Variants in KHDRBS2 observed in about 807,000 individuals in gnomAD.
The protein encoded by KHDRBS2 is KH RNA binding domain containing, signal transduction associated 2, also known as KH domain-containing, RNA-binding, signal transduction-associated protein 2.
Under a neutral mutation model 44.3 loss-of-function variants are expected in KHDRBS2, and 26 were observed. The observed-to-expected ratio is 0.59, with a 90% CI of 0.43 to 0.81. The LOEUF (loss-of-function observed/expected upper bound fraction) is 0.81. Among genes scored for constraint, KHDRBS2 ranks in the 40% least tolerant of loss-of-function variants. The probability of loss-of-function intolerance (pLI) is 0.00; values close to 1 mark genes in which losing one functional copy is unlikely to be tolerated. For missense variants in KHDRBS2, 476 were observed against 433.1 expected (o/e 1.10, Z -0.88); for synonymous variants, 194 against 151.1 (o/e 1.28, Z -2.08).
intron 2 of KHDRBS2, among the ~76,000 whole-genome samples, chr6:62,064,347 A>C (rs1792941496): frequency 6.7e-6 from 1 of 148,682 alleles, no homozygotes; most frequent in African/African-American, 2.5e-5. Flanking sequence ...AAAAGAACAA[A>C]GCTGGAGGCA....
At chr6:62,221,034 A>T (rs1830809508) in intron 1 of KHDRBS2, among the ~76,000 whole-genome samples, 1 of 151,912 alleles carries the variant, frequency 6.6e-6, no homozygotes, top group African/African-American at 2.4e-5. Flanking sequence ...ATTGCACATT[A>T]TTCACAATTC....
At chr6:61,740,656 T>G (rs1049152765) in intron 6 of KHDRBS2, among the ~76,000 whole-genome samples, 4 of 151,926 alleles carry the variant, frequency 2.6e-5, no homozygotes, top group African/African-American at 9.7e-5. Context: ...CCTCTTAGTT[T>G]TTATTGTTAT....
intron 3 of KHDRBS2, among the ~76,000 whole-genome samples, chr6:61,996,612 C>T (rs920231073): frequency 6.6e-6 from 1 of 152,136 alleles, no homozygotes; most frequent in Non-Finnish European, 1.5e-5. Context: ...AGGCAACTTT[C>T]TCCAGTTCAG....
At chr6:61,791,872 G>T (rs1784688815) in intron 6 of KHDRBS2, among the ~76,000 whole-genome samples, 1 of 150,964 alleles carries the variant, frequency 6.6e-6, no homozygotes, top group East Asian at 1.9e-4. Context: ...TATAATATTT[G>T]CCTTTTAATT....
chr6:61,543,337 G>A, the KHDRBS2 span, among the ~76,000 whole-genome samples: 3 of 151,908 alleles, frequency 2.0e-5, no homozygotes, highest in Non-Finnish European at 2.9e-5. Context: ...AGGCATACAA[G>A]TGGAAAATAG....
the KHDRBS2 span, among the ~76,000 whole-genome samples, chr6:61,652,829 A>G: frequency 1.3e-5 from 2 of 152,068 alleles, no homozygotes; most frequent in African/African-American, 4.8e-5. Flanking sequence ...AAGGAACTAA[A>G]CATACCAGCA....
At chr6:61,707,393 C>T (rs1321759458) in intron 7 of KHDRBS2, among the ~76,000 whole-genome samples, 2 of 151,726 alleles carry the variant, frequency 1.3e-5, no homozygotes, top group Non-Finnish European at 2.9e-5. Flanking sequence ...TGACCACAAA[C>T]TCTGTAAGTT....
rs181424552 is a variant in KHDRBS2, at chr6:61,885,240, A to T, written c.810+9395T>A. Among the ~76,000 whole-genome samples, 19 of 151,892 alleles carry T rather than the reference A, an allele frequency of 1.3e-4. No individual in the cohort carries two copies. In the East Asian group the frequency reaches 3.7e-3, roughly 29 times the overall value. On this transcript the variant is annotated intron_variant, in intron 6 of 8. Coordinates refer to ENST00000281156, the MANE Select transcript of KHDRBS2 (RefSeq NM_152688.4). ...TTAAGGATTTTTCTGTAGCTGGTTG[A>T]TAGAAAAAAAAAAGAGTTGTTATGG...
chr6:61,839,232 T>C (rs1793202385), intron 6 of KHDRBS2, among the ~76,000 whole-genome samples: 1 of 152,130 alleles, frequency 6.6e-6, no homozygotes, highest in African/African-American at 2.4e-5. Flanking sequence ...TTTTCTTACA[T>C]AGAAAGTTGA....
At chr6:61,972,449 C>A (rs1036290280) in intron 4 of KHDRBS2, among the ~76,000 whole-genome samples, 1 of 152,168 alleles carries the variant, frequency 6.6e-6, no homozygotes, top group African/African-American at 2.4e-5. Flanking sequence ...TATTTCTGAG[C>A]AACTAATAAT....
intron 4 of KHDRBS2, among the ~76,000 whole-genome samples, chr6:61,934,956 C>A (rs1244881412): frequency 6.6e-6 from 1 of 152,176 alleles, no homozygotes; most frequent in Non-Finnish European, 1.5e-5. Flanking sequence ...CTTCTAACAA[C>A]TTTGTCTGTC....
intron 2 of KHDRBS2, among the ~76,000 whole-genome samples, chr6:62,086,760 T>C (rs901198111): frequency 5.3e-5 from 8 of 152,158 alleles, no homozygotes; most frequent in Admixed American, 4.6e-4. Flanking sequence ...AGATCAGCAG[T>C]TGAACATGAG....
chr6:61,942,404 A>G (rs956424195), intron 4 of KHDRBS2, among the ~76,000 whole-genome samples: 1 of 152,154 alleles, frequency 6.6e-6, no homozygotes, highest in Non-Finnish European at 1.5e-5. Flanking sequence ...ACAAAACAAA[A>G]ATTCTGCAAC....
chr6:61,833,771 T>C (rs1792210732), intron 6 of KHDRBS2, among the ~76,000 whole-genome samples: 2 of 152,152 alleles, frequency 1.3e-5, no homozygotes, highest in South Asian at 4.1e-4. Flanking sequence ...GTAAAATATA[T>C]TTCTGGAATT....
chr6:61,709,298 T>C (rs1770101242), intron 7 of KHDRBS2, among the ~76,000 whole-genome samples: 1 of 151,588 alleles, frequency 6.6e-6, no homozygotes. Flanking sequence ...GGATGAAATA[T>C]AGGCGGATTA....
chr6:62,255,754 T>C lies in KHDRBS2; in HGVS notation c.91+30104A>G, dbSNP rs149798149. On this transcript the variant is annotated intron_variant, in intron 1 of 8. Coordinates refer to ENST00000281156, the MANE Select transcript of KHDRBS2 (RefSeq NM_152688.4). Reference sequence around the variant, plus strand: ...CTCCATCTCAGAATACTAGGTATACTACTAGAGTACCCCAGGTAAAACCAT... The same window carrying C: ...CTCCATCTCAGAATACTAGGTATACCACTAGAGTACCCCAGGTAAAACCAT... 2.5e-3 allele frequency among the ~76,000 whole-genome samples: 384 copies of C among 152,026 alleles called. 3 individuals carry two copies. The highest frequency in any genetic ancestry group is 8.5e-3 in the African/African-American group (352 of 41,492).
At position 62,130,686 on chromosome 6, in the gene KHDRBS2, T is replaced by A. The variant is rs150667115; in HGVS notation, c.219+46499A>T. ...CCCATTGTAAGTTGAAAATATTAAG[T>A]AGAAAGTGTTTAAAACACCTAACAT... On this transcript the variant is annotated intron_variant, in intron 2 of 8. Coordinates refer to ENST00000281156, the MANE Select transcript of KHDRBS2 (RefSeq NM_152688.4). Among the ~76,000 whole-genome samples, 15 of 152,150 alleles carry A rather than the reference T, an allele frequency of 9.9e-5. No individual in the cohort carries two copies. The East Asian group carries it at 2.7e-3, about 27-fold the overall frequency.
At chr6:62,018,135 C>T (rs575699124) in intron 3 of KHDRBS2, among the ~76,000 whole-genome samples, 1 of 150,868 alleles carries the variant, frequency 6.6e-6, no homozygotes, top group East Asian at 2.0e-4. Flanking sequence ...ACCATTTCTG[C>T]TATAAATATT....
intron 3 of KHDRBS2, among the ~76,000 whole-genome samples, chr6:62,041,821 T>C (rs1786595063): frequency 6.6e-6 from 1 of 152,046 alleles, no homozygotes; most frequent in Non-Finnish European, 1.5e-5. Flanking sequence ...TCATAAAACA[T>C]TACTACCCCA....
Sources: gnomAD v4.1 joint callset for allele counts (sites outside exome capture counted in the v4.1 genomes callset) on GRCh38, gnomAD v4.1.1 for gene constraint, MANE v1.5 for transcripts, NCBI Gene and HGNC (gene_info 2026-07-23, HGNC 2026-07-21) for gene names.